GLS: variants seen among roughly 807,000 people sequenced by gnomAD.
GLS encodes glutaminase kidney isoform, mitochondrial.
Under a neutral mutation model 86.7 loss-of-function variants are expected in GLS, and 36 were observed. The ratio of observed to expected loss-of-function variants is 0.42; its 90% CI spans 0.32 to 0.55. The LOEUF is 0.55. Ranked by LOEUF, GLS falls within the 20% of genes least tolerant of loss-of-function variation. GLS has a pLI of 0.17. For missense variants in GLS, 528 were observed against 833.4 expected (o/e 0.63, Z 4.51); for synonymous variants, 317 against 305.9 (o/e 1.04, Z -0.38).
intron 14 of GLS, among the ~76,000 whole-genome samples, chr2:190,945,891 T>G (rs1389891189): frequency 6.6e-6 from 1 of 152,166 alleles, no homozygotes; most frequent in East Asian, 1.9e-4. Context: ...TTTGTGTAAG[T>G]TTGGAAATAT....
In GLS at chr2:190,905,793, G is replaced by A. The variant is rs773271571; in HGVS notation, c.979+626G>A. ...AAGTCTAAACATCATTTAGCTGAGT[G>A]CAAACTAAGTTAAACTAGTCCCATG... On this transcript the variant is annotated intron_variant, in intron 6 of 17. Transcript: ENST00000320717. This position sits in a 1 kb window ranked among gnomAD's most constrained non-coding sequence, Gnocchi z 4.6. 1.3e-5 allele frequency among the ~76,000 whole-genome samples: 2 copies of A among 152,042 alleles called. No homozygotes were observed. The highest frequency in any genetic ancestry group is 2.9e-5 in the Non-Finnish European group (2 of 67,954).
chr2:190,886,909 CT>C, intron 1 of GLS, among the ~76,000 whole-genome samples: 1 of 87,830 alleles, frequency 1.1e-5, no homozygotes, highest in Non-Finnish European at 2.3e-5. Context: ...GAGCGAGACT[CT>C]TGTCTCAAAA....
intron 14 of GLS, among the ~76,000 whole-genome samples, chr2:190,944,683 A>G (rs1690536851): frequency 6.6e-6 from 1 of 152,160 alleles, no homozygotes; most frequent in African/African-American, 2.4e-5. Flanking sequence ...TAGACCATTC[A>G]TTGGTGTTTA....
intron 17 of GLS, among the ~76,000 whole-genome samples, chr2:190,960,593 C>G (rs548455926): frequency 1.3e-5 from 2 of 151,984 alleles, no homozygotes; most frequent in East Asian, 3.9e-4. Context: ...CCAAGCTGGT[C>G]TCCAACTCCT....
intron 1 of GLS, among the ~76,000 whole-genome samples, chr2:190,885,894 G>A (rs1190595527): frequency 6.7e-6 from 1 of 150,156 alleles, no homozygotes; most frequent in Non-Finnish European, 1.5e-5. Context: ...TATTTTTGAG[G>A]TGGAGTCTCA....
At chr2:190,919,762 GA>G (rs1223218282) in intron 7 of GLS, 25 of 438,740 alleles carry the variant, frequency 5.7e-5, no homozygotes, top group Middle Eastern at 1.1e-3. Flanking sequence ...TATAAGGAAA[GA>G]AAAAATTATG....
chr2:190,961,978 A>AGAT (rs987611146), intron 17 of GLS, among the ~76,000 whole-genome samples: 1 of 152,104 alleles, frequency 6.6e-6, no homozygotes, highest in African/African-American at 2.4e-5. Flanking sequence ...GTAGAGAGAG[A>AGAT]GATTGGGTAG....
rs1690492139 is a variant in GLS, at chr2:190,943,160, T to C, written c.1651-10405T>C. On this transcript the variant is annotated intron_variant, in intron 14 of 17. Transcript: ENST00000320717. The surrounding 1 kb of genome is among the most constrained non-coding windows in gnomAD (Gnocchi z 4.5). ...GGAAGGGGTGGGTAGTGGATAATGG[T>C]TAGACAACTATCAGTATGTAGAAGC... Among the ~76,000 whole-genome samples, 1 of 152,172 alleles carries C rather than the reference T, an allele frequency of 6.6e-6. No homozygotes were observed. Among genetic ancestry groups the C allele is most frequent in the Non-Finnish European group, 1.5e-5 (1 of 68,032 alleles).
intron 5 of GLS, among the ~76,000 whole-genome samples, chr2:190,902,469 G>A (rs1003602473): frequency 2.0e-5 from 3 of 152,150 alleles, no homozygotes; most frequent in Non-Finnish European, 4.4e-5. Context: ...GTATCCCAAA[G>A]TTAAAAGTCA....
At position 190,938,056 on chromosome 2, in the gene GLS, A is replaced by AT. The variant is rs561616281; in HGVS notation, c.1650+6426dup. ...CTAAATCTCATTTACTAATTATGGA[A>AT]TTTTTTTAAAGAAAAATTATATACC... On this transcript the variant is annotated intron_variant, in intron 14 of 17. Transcript: ENST00000320717. The surrounding 1 kb of genome is among the most constrained non-coding windows in gnomAD (Gnocchi z 4.1). 4.7e-4 allele frequency among the ~76,000 whole-genome samples: 71 copies of AT among 151,372 alleles called. No individual in the cohort carries two copies. In the East Asian group the frequency reaches 5.4e-3, roughly 12 times the overall value.
rs1351406134 is a variant in GLS, at chr2:190,951,413, T to C, written c.1651-2152T>C. The stretch of plus-strand genomic sequence containing the variant: ...AGGGTCAAGTGTTGCTTTTTAAAAA[T>C]AGGATGAAATTGTGTCTGTTTTAAG... On this transcript the variant is annotated intron_variant, in intron 14 of 17. Transcript: ENST00000320717. The surrounding 1 kb of genome is among the most constrained non-coding windows in gnomAD (Gnocchi z 4.2). Among the ~76,000 whole-genome samples, 3 of 151,908 alleles carry C rather than the reference T, an allele frequency of 2.0e-5. No homozygotes were observed. Among genetic ancestry groups the C allele is most frequent in the African/African-American group, 7.3e-5 (3 of 41,332 alleles).
chr2:190,923,016 A>C (rs1216755247), intron 9 of GLS, among the ~76,000 whole-genome samples: 1 of 152,076 alleles, frequency 6.6e-6, no homozygotes, highest in Admixed American at 6.6e-5. Flanking sequence ...CCTTTTTCTC[A>C]TCAGGTTGGA....
intron 6 of GLS, among the ~76,000 whole-genome samples, chr2:190,907,185 A>C (rs967306397): frequency 1.8e-4 from 27 of 151,716 alleles, no homozygotes; most frequent in African/African-American, 6.5e-4. Context: ...CGGCCTCCCA[A>C]AGTGCTGGGA....
At position 190,962,374 on chromosome 2, in the gene GLS, A is replaced by G. The variant is rs1691024152; in HGVS notation, c.1854-456A>G. On this transcript the variant is annotated intron_variant, in intron 17 of 17. Transcript: ENST00000320717. This position sits in a 1 kb window ranked among gnomAD's most constrained non-coding sequence, Gnocchi z 4.2. ...GGTCATGGTTATTTCTAGACTTCTG[A>G]GACTTACTGTGGCTTTGAATTGACA... 6.6e-6 allele frequency among the ~76,000 whole-genome samples: 1 copy of G among 152,294 alleles called. No individual in the cohort carries two copies. The highest frequency in any genetic ancestry group is 1.5e-5 in the Non-Finnish European group (1 of 68,020).
At position 190,921,621 on chromosome 2, in the gene GLS, AAT is replaced by A. The variant is rs1291824637; in HGVS notation, c.1130+421_1130+422del. Among the ~76,000 whole-genome samples the A allele has an allele frequency of 6.6e-6, 1 of 151,994 alleles. No homozygotes were observed. The highest frequency in any genetic ancestry group is 1.5e-5 in the Non-Finnish European group (1 of 67,874). Reference sequence around the variant, plus strand: ...TCTCTGTCTCTTTAGATAGATAAAAAATATGTATGTATACCTCTAAACACAAA... The same window carrying A: ...TCTCTGTCTCTTTAGATAGATAAAAAATGTATGTATACCTCTAAACACAAA... On this transcript the variant is annotated intron_variant, in intron 9 of 17. Transcript: ENST00000320717. The surrounding 1 kb of genome is among the most constrained non-coding windows in gnomAD (Gnocchi z 4.2).
In GLS at chr2:190,953,945, TTG is replaced by T. The variant is rs1451017469; in HGVS notation, c.1712+320_1712+321del. Among the ~76,000 whole-genome samples the T allele has an allele frequency of 3.7e-5, 5 of 135,856 alleles. No homozygotes were observed. Among genetic ancestry groups the T allele is most frequent in the Admixed American group, 7.8e-5 (1 of 12,792 alleles). The allele number at this position is 135,856 out of a possible 152,430, so 89.1% of individuals were successfully genotyped here. A position where few individuals can be genotyped will look rare whatever the true frequency, so the allele number is the denominator to read the frequency against. ...CCTGTCTACCCTCCATTCCCAATCT[TTG>T]ATATGTGTGTGTGTGTGTGTGTGTG... On this transcript the variant is annotated intron_variant, in intron 15 of 17. Transcript: ENST00000320717. The surrounding 1 kb of genome is among the most constrained non-coding windows in gnomAD (Gnocchi z 4.0).
intron 14 of GLS, chr2:190,932,829 AT>A (rs1347743169): frequency 1.6e-5 from 26 of 1,577,156 alleles, no homozygotes; most frequent in Non-Finnish European, 2.1e-5. Flanking sequence ...CAACTGTAGT[AT>A]ATAGAATGGA....
chr2:190,944,477 T>C (rs541414600), intron 14 of GLS, among the ~76,000 whole-genome samples: 10 of 152,228 alleles, frequency 6.6e-5, no homozygotes, highest in Non-Finnish European at 1.3e-4. Context: ...GCAATACAGA[T>C]ATGCTTAAGG....
At chr2:190,902,056 A>C (rs548107649) in intron 5 of GLS, 30 bp downstream of exon 5, 2 of 1,280,798 alleles carry the variant, frequency 1.6e-6, no homozygotes, top group African/African-American at 1.5e-5. Context: ...ATGAAAACCA[A>C]CTCTAAGCCT....
Sources: gnomAD v4.1 joint callset for allele counts (sites outside exome capture counted in the v4.1 genomes callset) on GRCh38, gnomAD v4.1.1 for gene constraint, Gnocchi (gnomAD v3.1) non-coding constraint, MANE v1.5 for transcripts, NCBI Gene and HGNC (gene_info 2026-07-23, HGNC 2026-07-21) for gene names.